LY6H: variants seen among roughly 807,000 people sequenced by gnomAD.
LY6H encodes the protein lymphocyte antigen 6 family member H.
In LY6H, 8 loss-of-function variants were observed where a neutral mutation model predicts 14.6. That is an observed-to-expected ratio of 0.55 (90% CI 0.32 to 0.99). The LOEUF (loss-of-function observed/expected upper bound fraction) is 0.99, where lower values mean the gene tolerates loss of function less well. LY6H is among the 50% of genes least tolerant of loss of function. The pLI is 0.04. For synonymous variants in LY6H, 115 were observed against 97.2 expected (o/e 1.18, Z -1.08); for missense variants, 196 against 219.6 (o/e 0.89, Z 0.68).
At chr8:143,159,424 C>G (rs1586674119) in intron 2 of LY6H, 158 bp downstream of exon 2, 2 of 823,282 alleles carry the variant, frequency 2.4e-6, no homozygotes, top group African/African-American at 1.8e-5. Flanking sequence ...GCAGAGGGGC[C>G]GAGGGCCGGG....
At chr8:143,160,446 G>C (rs1815573495), upstream of LY6H, 1 of 149,448 alleles carries the variant, frequency 6.7e-6, no homozygotes, top group Non-Finnish European at 1.5e-5. Context: ...TAGCTGGCCC[G>C]GGCCCTCCGC....
intron 1 of LY6H, 62 bp downstream of exon 1, chr8:143,160,136 C>T (rs2130626775): frequency 1.6e-6 from 2 of 1,242,582 alleles, no homozygotes; most frequent in Non-Finnish European, 2.0e-6. Flanking sequence ...TCCGCGCGCG[C>T]CTCGGCGCTC....
At chr8:143,159,470 C>A in intron 2 of LY6H, 112 bp downstream of exon 2, 3 of 1,275,180 alleles carry the variant, frequency 2.4e-6, no homozygotes, top group Non-Finnish European at 3.1e-6. Context: ...GGCGTGGGCT[C>A]TATGCGAAGT....
chr8:143,158,563 C>A (rs1192112694), intron 3 of LY6H, 78 bp from the exon 4 acceptor site: 32 of 1,376,600 alleles, frequency 2.3e-5, no homozygotes, highest in Admixed American at 3.6e-5. Flanking sequence ...CCAGCCCAGG[C>A]CCCTCCGGGT....
In LY6H at chr8:143,159,653, C is replaced by T; in HGVS notation, c.59G>A (p.Arg20Gln). 1.4e-6 allele frequency: 2 copies of T among 1,427,066 alleles called. No homozygotes were observed. The highest frequency in any genetic ancestry group is 1.8e-6 in the Non-Finnish European group (2 of 1,101,636). The allele number at this position is 1,427,066 out of a possible 1,614,324, so 88.4% of individuals were successfully genotyped here. ...PSPRAAPRPT[R>Q]SMLPAAMKGL... ...CTTCATGGCTGCAGGCAGCATGCTC[C>T]GGGTGGGCCTGGGGGCGGCGCGGGG... Residue 20 changes from arginine to glutamine, a missense_variant, in exon 2 of 4, where the codon CGG becomes CAG. Physicochemically the swap from Arg to Gln is conservative, Grantham distance 43. Transcript: ENST00000342752.
chr8:143,159,150 GCACGTGCGTGCACACACACA>G, intron 2 of LY6H: 2 of 618,694 alleles, frequency 3.2e-6, no homozygotes, highest in Non-Finnish European at 5.8e-6. Context: ...TGGCCCCCAT[GCACGTGCGTGCACACACACA>G]CACAAACACA....
chr8:143,158,155 A>G lies in LY6H; in HGVS notation c.*95T>C. 3 of 841,772 alleles carry G rather than the reference A, an allele frequency of 3.6e-6. No individual in the cohort carries two copies. Among genetic ancestry groups the G allele is most frequent in the Non-Finnish European group, 5.5e-6 (3 of 544,004 alleles). The allele number at this position is 841,772 out of a possible 1,614,324, so 52.1% of individuals were successfully genotyped here. On this transcript the variant is annotated 3_prime_UTR_variant, in exon 4 of 4. Coordinates refer to ENST00000342752, the MANE Select transcript of LY6H (RefSeq NM_001135655.2). ...CAGGCCACAGCCACGGAGCTGGGCC[A>G]AGGCTGCCCCCAGCCCCAGCCACGC...
At chr8:143,160,101 C>A in intron 1 of LY6H, 97 bp downstream of exon 1, 4 of 1,077,566 alleles carry the variant, frequency 3.7e-6, no homozygotes, top group Non-Finnish European at 4.7e-6. Flanking sequence ...CCGGGAACCC[C>A]GGGCCGAGTC....
At chr8:143,159,335 C>G in intron 2 of LY6H, 1 of 545,926 alleles carries the variant, frequency 1.8e-6, no homozygotes, top group Non-Finnish European at 3.2e-6. Context: ...GACGGATGAC[C>G]AAGGGCTTCC....
chr8:143,159,027 GC>G (rs1438639754), intron 2 of LY6H, 105 bp from the exon 3 acceptor site: 3 of 1,480,424 alleles, frequency 2.0e-6, no homozygotes, highest in Non-Finnish European at 2.7e-6. Flanking sequence ...TCCTGGGAGA[GC>G]CCGACCCCAC....
intron 2 of LY6H, chr8:143,159,188 G>A: frequency 1.7e-6 from 1 of 593,868 alleles, no homozygotes; most frequent in Non-Finnish European, 3.0e-6. Flanking sequence ...ACACACACGG[G>A]CTATACAGAC....
Position 143,160,303 on chromosome 8 carries a change from G to T in LY6H, c.-104C>A. 1.0e-6 allele frequency: 1 copy of T among 1,000,412 alleles called. No individual in the cohort carries two copies. The highest frequency in any genetic ancestry group is 1.3e-6 in the Non-Finnish European group (1 of 777,430). 62.0% of individuals were successfully genotyped at this position (1,000,412 alleles called of 1,614,324 possible). A position where few individuals can be genotyped will look rare whatever the true frequency, so the allele number is the denominator to read the frequency against. ...GAATCCGGGCGCAGCCTCGTCTTTC[G>T]GGGAACGCAGCCGCAGACGCGGACC... is the stretch of plus-strand genomic sequence containing the variant. On this transcript the variant is annotated 5_prime_UTR_variant, in exon 1 of 4. Coordinates refer to ENST00000342752, the MANE Select transcript of LY6H (RefSeq NM_001135655.2).
At chr8:143,160,177 G>A in intron 1 of LY6H, 21 bp downstream of exon 1, 1 of 1,282,260 alleles carries the variant, frequency 7.8e-7, no homozygotes, top group Non-Finnish European at 9.9e-7. Context: ...CGCGGGCCTC[G>A]GGGTCGGGGG....
At position 143,160,243 on chromosome 8, in the gene LY6H, C is replaced by T; in HGVS notation, c.-44G>A. 7.8e-7 allele frequency: 1 copy of T among 1,277,218 alleles called. No homozygotes were observed. Among genetic ancestry groups the T allele is most frequent in the South Asian group, 3.4e-5 (1 of 29,192 alleles). The allele number at this position is 1,277,218 out of a possible 1,614,324, so 79.1% of individuals were successfully genotyped here. A position where few individuals can be genotyped will look rare whatever the true frequency, so the allele number is the denominator to read the frequency against. On this transcript the variant is annotated 5_prime_UTR_variant, in exon 1 of 4. Coordinates refer to ENST00000342752, the MANE Select transcript of LY6H (RefSeq NM_001135655.2). ...CCGGGCTCGGGCGGCGTGCGCGGCG[C>T]GGGGAGCTGTGCCCTTCGGTCTCCC...
intron 1 of LY6H, 195 bp downstream of exon 1, chr8:143,160,003 A>C: frequency 8.3e-7 from 1 of 1,201,186 alleles, no homozygotes. Flanking sequence ...CCGGACAGGA[A>C]TGAGCGGCAG....
rs1463332585 is a variant in LY6H at position 143,158,063 on chromosome 8, A to G, written c.*187T>C. The G allele has an allele frequency of 3.5e-6, 2 of 567,518 alleles. No homozygotes were observed. The highest frequency in any genetic ancestry group is 5.9e-5 in the East Asian group (2 of 33,836). The allele number at this position is 567,518 out of a possible 1,614,324, so 35.2% of individuals were successfully genotyped here. On this transcript the variant is annotated 3_prime_UTR_variant, in exon 4 of 4. Coordinates refer to ENST00000342752, the MANE Select transcript of LY6H (RefSeq NM_001135655.2). ...ATGGCCTGGTTTCCTGGAGATGTCC[A>G]GCTGCCTGGGACTCAGAGCTGGCGG...
chr8:143,159,377 CCTGGAGGAAGAGCGCTGGA>C, intron 2 of LY6H, 186 bp downstream of exon 2: 2 of 611,876 alleles, frequency 3.3e-6, no homozygotes, highest in East Asian at 6.4e-5. Flanking sequence ...AGTTCCAGGC[CCTGGAGGAAGAGCGCTGGA>C]GAGAGCCCAG....
In LY6H at chr8:143,159,583, G is replaced by C; in HGVS notation, c.129C>G (p.Pro43=). Residue 43 remains proline, a splice_region_variant and synonymous_variant, in exon 2 of 4, where the codon CCC becomes CCG. Transcript: ENST00000342752. ...ALLAVLLCSA[P]AHGLWCQDCT... ...CCAGCCCGCGGGCCCCCTACTCACC[G>C]GGCGCCGAGCACAGCAGGACGGCCA... 6.7e-7 allele frequency: 1 copy of C among 1,500,884 alleles called. No homozygotes were observed. Among genetic ancestry groups the C allele is most frequent in the Non-Finnish European group, 8.8e-7 (1 of 1,132,926 alleles). The allele number at this position is 1,500,884 out of a possible 1,614,324, so 93.0% of individuals were successfully genotyped here.
At chr8:143,158,509 G>A (rs1212775341) in intron 3 of LY6H, 24 bp from the exon 4 acceptor site, 1 of 1,580,784 alleles carries the variant, frequency 6.3e-7, no homozygotes, top group East Asian at 2.2e-5. Flanking sequence ...GCGTGGCCTG[G>A]GACGGGGGCT....
Sources: gnomAD v4.1 joint callset for allele counts on GRCh38, gnomAD v4.1.1 for gene constraint, MANE v1.5 for transcripts, NCBI Gene and HGNC (gene_info 2026-07-23, HGNC 2026-07-21) for gene names.